Variants in SNX25 observed in about 807,000 individuals in gnomAD.
The protein encoded by SNX25 is sorting nexin 25.
SNX25 carries 62 observed loss-of-function variants against 113.7 expected under a neutral mutation model. The observed-to-expected ratio is 0.55, with a 90% CI of 0.44 to 0.67. The LOEUF (loss-of-function observed/expected upper bound fraction) is 0.67. Among genes scored for constraint, SNX25 ranks in the 30% least tolerant of loss-of-function variants. The pLI is 0.00. For synonymous variants in SNX25, 421 were observed against 436.2 expected (o/e 0.97, Z 0.43); for missense variants, 1,014 against 1,161.0 (o/e 0.87, Z 1.84).
chr4:185,372,909 C>T, downstream of SNX25: 1 of 1,613,166 alleles, frequency 6.2e-7, no homozygotes, highest in Non-Finnish European at 8.5e-7. Flanking sequence ...AGTAATACTC[C>T]ACGAGATTCC....
chr4:185,217,804 A>G (rs767522228), intron 1 of SNX25, among the ~76,000 whole-genome samples: 9 of 152,226 alleles, frequency 5.9e-5, no homozygotes, highest in Non-Finnish European at 1.2e-4. Flanking sequence ...CGTTCAGGAC[A>G]CAGAAAATGC....
chr4:185,237,276 G>A (rs1245097914), intron 1 of SNX25, among the ~76,000 whole-genome samples: 2 of 152,140 alleles, frequency 1.3e-5, no homozygotes, highest in East Asian at 1.9e-4. Context: ...TTTAGTTCAT[G>A]GTTCAGCACA....
At chr4:185,284,351 G>A (rs1751053209) in intron 5 of SNX25, among the ~76,000 whole-genome samples, 1 of 152,136 alleles carries the variant, frequency 6.6e-6, no homozygotes, top group Admixed American at 6.6e-5. Context: ...ATATGAAAGA[G>A]TAAATAGATA....
At chr4:185,230,854 A>C (rs369159959) in intron 1 of SNX25, among the ~76,000 whole-genome samples, 1 of 152,228 alleles carries the variant, frequency 6.6e-6, no homozygotes, top group African/African-American at 2.4e-5. Context: ...ATAAGGGAAT[A>C]GTGTCTAAAA....
At chr4:185,294,050 C>G (rs764378482) in intron 6 of SNX25, among the ~76,000 whole-genome samples, 1 of 152,158 alleles carries the variant, frequency 6.6e-6, no homozygotes, top group Non-Finnish European at 1.5e-5. Flanking sequence ...CAACAGCCTG[C>G]TTAGCGACTC....
chr4:185,250,593 T>G (rs1460900673), intron 2 of SNX25, among the ~76,000 whole-genome samples: 1 of 152,238 alleles, frequency 6.6e-6, no homozygotes, highest in Non-Finnish European at 1.5e-5. Context: ...AAAAGCTGTG[T>G]GTAAACATGG....
At chr4:185,315,459 A>G (rs1484299567) in intron 7 of SNX25, among the ~76,000 whole-genome samples, 1 of 151,742 alleles carries the variant, frequency 6.6e-6, no homozygotes, top group Non-Finnish European at 1.5e-5. Context: ...ACGCCCAGCT[A>G]ATGTTTGTAT....
At chr4:185,333,615 A>G (rs982171688) in intron 10 of SNX25, among the ~76,000 whole-genome samples, 7 of 152,204 alleles carry the variant, frequency 4.6e-5, no homozygotes, top group African/African-American at 1.7e-4. Flanking sequence ...CTGTCTAGTT[A>G]AACAGTGAGT....
rs546494134 is a variant in SNX25 at position 185,246,954 on chromosome 4, G to A, written c.430-340G>A. Among the ~76,000 whole-genome samples the A allele has an allele frequency of 2.0e-4, 31 of 152,176 alleles. No homozygotes were observed. The South Asian group carries it at 6.4e-3, about 32-fold the overall frequency. On this transcript the variant is annotated intron_variant, in intron 1 of 18. Coordinates refer to ENST00000652585, the MANE Select transcript of SNX25 (RefSeq NM_001378034.2). ...AACATCATTTGCTGAGTAGTGTGTG[G>A]TTTTTATCATTAATTTCAAATTCTT...
intron 1 of SNX25, among the ~76,000 whole-genome samples, chr4:185,226,423 G>A (rs1165443027): frequency 6.6e-6 from 1 of 152,156 alleles, no homozygotes; most frequent in Non-Finnish European, 1.5e-5. Context: ...CTAGTTTGGT[G>A]GTCACATAAG....
intron 1 of SNX25, among the ~76,000 whole-genome samples, chr4:185,226,932 A>G (rs554414977): frequency 6.6e-6 from 1 of 152,348 alleles, no homozygotes; most frequent in African/African-American, 2.4e-5. Context: ...GAAAGAATAC[A>G]CAGTCCAGAG....
intron 5 of SNX25, among the ~76,000 whole-genome samples, chr4:185,284,069 G>A (rs1048812031): frequency 1.3e-5 from 2 of 152,148 alleles, no homozygotes; most frequent in African/African-American, 2.4e-5. Context: ...TATCTATTGA[G>A]TGCCTACCAT....
intron 2 of SNX25, among the ~76,000 whole-genome samples, chr4:185,251,348 C>T (rs1745609166): frequency 6.6e-6 from 1 of 152,188 alleles, no homozygotes; most frequent in East Asian, 1.9e-4. Context: ...ATCTCTAGAA[C>T]TGTTTTCATC....
intron 5 of SNX25, among the ~76,000 whole-genome samples, 179 bp downstream of exon 5, chr4:185,267,334 A>AT (rs1035597519): frequency 2.0e-5 from 3 of 152,218 alleles, no homozygotes; most frequent in Non-Finnish European, 4.4e-5. Flanking sequence ...ATTAGAATGA[A>AT]TTTTTTTAAA....
downstream of SNX25, chr4:185,370,775 G>T: frequency 6.2e-7 from 1 of 1,614,102 alleles, no homozygotes; most frequent in Non-Finnish European, 8.5e-7. Flanking sequence ...TGACCTGGGC[G>T]ATCATGGGGA....
intron 1 of SNX25, among the ~76,000 whole-genome samples, chr4:185,235,733 CAAAAT>C (rs993562441): frequency 3.9e-5 from 6 of 151,998 alleles, no homozygotes; most frequent in African/African-American, 1.5e-4. Flanking sequence ...TGTCTACAAA[CAAAAT>C]AAAAATAAAA....
chr4:185,338,774 G>C (rs1363184752), intron 10 of SNX25, among the ~76,000 whole-genome samples: 1 of 152,134 alleles, frequency 6.6e-6, no homozygotes, highest in East Asian at 1.9e-4. Flanking sequence ...CGACACCCTT[G>C]TTGAAAATCA....
At chr4:185,240,733 C>T (rs1310782741) in intron 1 of SNX25, among the ~76,000 whole-genome samples, 4 of 151,932 alleles carry the variant, frequency 2.6e-5, no homozygotes, top group Admixed American at 6.5e-5. Flanking sequence ...GGGTGGCTGC[C>T]GGGCGGAGAC....
intron 13 of SNX25, among the ~76,000 whole-genome samples, chr4:185,348,791 A>G (rs970649634): frequency 6.6e-6 from 1 of 152,150 alleles, no homozygotes; most frequent in Non-Finnish European, 1.5e-5. Context: ...TAGTCACCCT[A>G]CTGAGCAACA....
Sources: gnomAD v4.1 joint callset for allele counts (sites outside exome capture counted in the v4.1 genomes callset) on GRCh38, gnomAD v4.1.1 for gene constraint, MANE v1.5 for transcripts, NCBI Gene and HGNC (gene_info 2026-07-23, HGNC 2026-07-21) for gene names.